ADCK5: variants seen among roughly 807,000 people sequenced by gnomAD.
The protein encoded by ADCK5 is aarF domain containing kinase 5, also known as uncharacterized aarF domain-containing protein kinase 5.
In ADCK5, 43 loss-of-function variants were observed where a neutral mutation model predicts 64.9. That is an observed-to-expected ratio of 0.66 (90% CI 0.52 to 0.85). The LOEUF is 0.85. Ranked by LOEUF, ADCK5 falls within the 40% of genes least tolerant of loss-of-function variation. The pLI is 0.00. For synonymous variants in ADCK5, 434 were observed against 342.8 expected (o/e 1.27, Z -2.94); for missense variants, 760 against 810.5 (o/e 0.94, Z 0.76).
intron 7 of ADCK5, 43 bp downstream of exon 7, chr8:144,391,517 A>G: frequency 1.3e-6 from 2 of 1,590,170 alleles, no homozygotes; most frequent in Non-Finnish European, 8.5e-7. Context: ...GCAAACACGT[A>G]GGCAGAGCTG....
chr8:144,376,455 C>G lies in ADCK5; in HGVS notation c.12+2348C>G, dbSNP rs1347493508. On this transcript the variant is annotated intron_variant, in intron 1 of 14. Transcript: ENST00000308860. This position sits in a 1 kb window ranked among gnomAD's most constrained non-coding sequence, Gnocchi z 5.1. Reference sequence around the variant, plus strand: ...GGACCAGGGTAGGGTGATGGTGGCCCGGGGTCTACTGGAGGGATCTCTGTC... The same window carrying G: ...GGACCAGGGTAGGGTGATGGTGGCCGGGGGTCTACTGGAGGGATCTCTGTC... Among the ~76,000 whole-genome samples the G allele has an allele frequency of 1.3e-5, 2 of 152,090 alleles. No individual in the cohort carries two copies. The highest frequency in any genetic ancestry group is 4.8e-5 in the African/African-American group (2 of 41,408).
In ADCK5 at chr8:144,393,125, G is replaced by A. The variant is rs541353407; in HGVS notation, c.*51G>A. ...GCCCTTTTCACCTTGGGCTGACGGA[G>A]GTGGCGGGGCTAGAGGTGTAGACAC... On this transcript the variant is annotated 3_prime_UTR_variant, in exon 15 of 15. Transcript: ENST00000308860. 1,145 of 1,473,720 alleles carry A rather than the reference G, an allele frequency of 7.8e-4. 22 individuals are homozygous for A. The South Asian group carries it at 0.014, about 19-fold the overall frequency. The allele number at this position is 1,473,720 out of a possible 1,614,324, so 91.3% of individuals were successfully genotyped here. A position where few individuals can be genotyped will look rare whatever the true frequency, so the allele number is the denominator to read the frequency against.
chr8:144,386,749 C>T (rs1209831359), intron 3 of ADCK5, among the ~76,000 whole-genome samples: 1 of 152,232 alleles, frequency 6.6e-6, no homozygotes, highest in Non-Finnish European at 1.5e-5. Flanking sequence ...CAGTTTCCAG[C>T]CCCGGTCCTC....
chr8:144,380,026 A>T (rs1819532666), intron 2 of ADCK5, among the ~76,000 whole-genome samples: 2 of 152,236 alleles, frequency 1.3e-5, no homozygotes, highest in South Asian at 4.1e-4. Context: ...TGAACCTGGC[A>T]GGGGTCTCCT....
rs531875170 is a variant in ADCK5, at chr8:144,391,977, A to C, written c.1051A>C (p.Ile351Leu). The change falls in exon 10 of 15, where the codon ATA becomes CTA. Residue 351 changes from isoleucine to leucine, a missense_variant. Ile to Leu is a conservative substitution (Grantham distance 5). This residue lies in a region of ADCK5 where 427 missense variants were observed against 518.4 expected (regional missense o/e 0.82). Transcript: ENST00000308860. The stretch of plus-strand genomic sequence containing the variant: ...GCTCATCAAGGCCTTTGCTGAGCAG[A>C]TATTTTACACCGGCTTCATCCACTC... Reference protein sequence around the residue: ...EKLIKAFAEQIFYTGFIHSDP... With the variant: ...EKLIKAFAEQLFYTGFIHSDP... The C allele has an allele frequency of 6.2e-7, 1 of 1,612,616 alleles. No homozygotes were observed. The highest frequency in any genetic ancestry group is 1.1e-5 in the South Asian group (1 of 91,084).
In ADCK5 at chr8:144,376,201, T is replaced by C. The variant is rs1011033641; in HGVS notation, c.12+2094T>C. Among the ~76,000 whole-genome samples the C allele has an allele frequency of 3.3e-5, 5 of 152,112 alleles. No individual in the cohort carries two copies. Among genetic ancestry groups the C allele is most frequent in the Non-Finnish European group, 7.4e-5 (5 of 68,016 alleles). The stretch of plus-strand genomic sequence containing the variant: ...CAGTGCCTGTTGCTTGGCAGGGCCA[T>C]GTGGGGTTCAATTGAGTCCTGTGCT... On this transcript the variant is annotated intron_variant, in intron 1 of 14. Coordinates refer to ENST00000308860, the MANE Select transcript of ADCK5 (RefSeq NM_174922.5). This position sits in a 1 kb window ranked among gnomAD's most constrained non-coding sequence, Gnocchi z 5.1.
chr8:144,388,431 G>C (rs1224489561), intron 3 of ADCK5, among the ~76,000 whole-genome samples: 1 of 151,350 alleles, frequency 6.6e-6, no homozygotes, highest in Non-Finnish European at 1.5e-5. Context: ...TTTAAGTTTT[G>C]TTACAAAAGT....
rs1436057069 is a variant in ADCK5 at position 144,384,304 on chromosome 8, AG to A, written c.266+1076del. ...CTGCCTCCGAGCATCTGCCAGGCCT[AG>A]GTCAGTTTCTCAGCAAGTGCCTCGG... is the stretch of plus-strand genomic sequence containing the variant. On this transcript the variant is annotated intron_variant, in intron 3 of 14. Coordinates refer to ENST00000308860, the MANE Select transcript of ADCK5 (RefSeq NM_174922.5). This position sits in a 1 kb window ranked among gnomAD's most constrained non-coding sequence, Gnocchi z 5.7. 1.3e-5 allele frequency among the ~76,000 whole-genome samples: 2 copies of A among 152,060 alleles called. No homozygotes were observed. Among genetic ancestry groups the A allele is most frequent in the East Asian group, 3.9e-4 (2 of 5,180 alleles).
At position 144,392,178 on chromosome 8, in the gene ADCK5, C is replaced by CGGGT; in HGVS notation, c.1175+16_1175+19dup. On this transcript the variant is annotated intron_variant, in intron 11 of 14. Coordinates refer to ENST00000308860, the MANE Select transcript of ADCK5 (RefSeq NM_174922.5). Reference sequence around the variant, plus strand: ...CCAGTTCCTGGAGGAGAAGTGAGCGCGGGTGGGTGGGCGTGGGGCAGGGCA... The same window carrying CGGGT: ...CCAGTTCCTGGAGGAGAAGTGAGCGCGGGTGGGTGGGTGGGCGTGGGGCAGGGCA... 2.9e-6 allele frequency: 1 copy of CGGGT among 339,130 alleles called. No homozygotes were observed. The highest frequency in any genetic ancestry group is 5.8e-6 in the Non-Finnish European group (1 of 173,602). 21.0% of individuals were successfully genotyped at this position (339,130 alleles called of 1,614,324 possible).
At chr8:144,381,516 C>A (rs1209306200) in intron 2 of ADCK5, among the ~76,000 whole-genome samples, 1 of 128,686 alleles carries the variant, frequency 7.8e-6, no homozygotes, top group Non-Finnish European at 1.6e-5. Context: ...CCCTGCTGCA[C>A]TCAGGATTAT....
chr8:144,392,470 C>T lies in ADCK5; in HGVS notation c.1293C>T (p.Leu431=). The change falls in exon 13 of 15, where the codon CTC becomes CTT. Residue 431 remains leucine, a synonymous_variant. Transcript: ENST00000308860. ...ACTACCTCCTGTTCGCCGAGATGCT[C>T]ATGCAGCGCCCCGTGCGCCTGGGGC... The part of the protein sequence containing the change: ...VQDYLLFAEM[L]MQRPVRLGQL... 1 of 1,287,722 alleles carries T rather than the reference C, an allele frequency of 7.8e-7. No homozygotes were observed. Among genetic ancestry groups the T allele is most frequent in the African/African-American group, 1.5e-5 (1 of 65,098 alleles). 79.8% of individuals were successfully genotyped at this position (1,287,722 alleles called of 1,614,324 possible).
chr8:144,382,370 G>GCTACTGTGTTCAGCATAGGTAGAGCTC (rs1819714903), intron 2 of ADCK5, among the ~76,000 whole-genome samples: 1 of 152,242 alleles, frequency 6.6e-6, no homozygotes, highest in Admixed American at 6.5e-5. Context: ...ATATGGAGCT[G>GCTACTGTGTTCAGCATAGGTAGAGCTC]CTACTGTGTT....
Position 144,384,369 on chromosome 8 carries a change from G to A in ADCK5, c.266+1139G>A, listed in dbSNP as rs1554858911. ...CAGAGATTTCACCAGAAGTTTCACA[G>A]AAATTTCCTCCAGCAGTGAGTGGAA... On this transcript the variant is annotated intron_variant, in intron 3 of 14. Transcript: ENST00000308860. This position sits in a 1 kb window ranked among gnomAD's most constrained non-coding sequence, Gnocchi z 5.7. Among the ~76,000 whole-genome samples, 1 of 152,224 alleles carries A rather than the reference G, an allele frequency of 6.6e-6. No homozygotes were observed. The highest frequency in any genetic ancestry group is 1.5e-5 in the Non-Finnish European group (1 of 68,046).
At chr8:144,386,649 C>A (rs112893004) in intron 3 of ADCK5, among the ~76,000 whole-genome samples, 137 of 152,318 alleles carry the variant, frequency 9.0e-4, no homozygotes, top group African/African-American at 3.2e-3. Flanking sequence ...TGAGCCACCA[C>A]GCAGGCCATG....
intron 2 of ADCK5, among the ~76,000 whole-genome samples, chr8:144,382,127 GGT>G: frequency 7.0e-6 from 1 of 143,844 alleles, no homozygotes; most frequent in Admixed American, 6.7e-5. Context: ...TTATGGGCCG[GGT>G]GTAGAAACAG....
Position 144,391,285 on chromosome 8 carries a change from G to A in ADCK5, c.684+11G>A. Reference sequence around the variant, plus strand: ...AGCGTGGCTGTGAAGGTATATGGGGGCTGCCTTGTTCAGCAGTGGGCTGGG... The same window carrying A: ...AGCGTGGCTGTGAAGGTATATGGGGACTGCCTTGTTCAGCAGTGGGCTGGG... On this transcript the variant is annotated intron_variant, in intron 6 of 14. Coordinates refer to ENST00000308860, the MANE Select transcript of ADCK5 (RefSeq NM_174922.5). The A allele has an allele frequency of 6.2e-7, 1 of 1,612,192 alleles. No homozygotes were observed.
intron 3 of ADCK5, among the ~76,000 whole-genome samples, chr8:144,383,457 C>A (rs959255752): frequency 1.3e-5 from 2 of 152,102 alleles, no homozygotes; most frequent in African/African-American, 2.4e-5. Flanking sequence ...GTGGTGTAGA[C>A]AAGGGTCCTC....
chr8:144,392,867 A>G lies in ADCK5; in HGVS notation c.1612A>G (p.Met538Val), dbSNP rs782045220. ...GCGCCACGCCAAGGTCGTCTGGGAG[A>G]TGCTCAAGTTTGAAGTGGCGCTCAG... Reference protein sequence around the residue: ...LLRHAKVVWEMLKFEVALRLE... With the variant: ...LLRHAKVVWEVLKFEVALRLE... The change falls in exon 14 of 15, where the codon ATG (methionine) becomes GTG (valine). Residue 538 changes from methionine to valine, a missense_variant. Transcript: ENST00000308860. 6.2e-7 allele frequency: 1 copy of G among 1,601,306 alleles called. No homozygotes were observed. Among genetic ancestry groups the G allele is most frequent in the Non-Finnish European group, 8.5e-7 (1 of 1,176,954 alleles).
At chr8:144,382,709 C>T (rs559833745) in intron 2 of ADCK5, among the ~76,000 whole-genome samples, 3 of 152,210 alleles carry the variant, frequency 2.0e-5, no homozygotes, top group Non-Finnish European at 4.4e-5. Flanking sequence ...TTGAATCCTG[C>T]GAGGTGGACG....
Sources: allele counts gnomAD v4.1 joint callset (sites outside exome capture counted in the v4.1 genomes callset), GRCh38; gene constraint gnomAD v4.1.1; regional missense constraint gnomAD v4.1.1; non-coding constraint Gnocchi (gnomAD v3.1); transcripts MANE v1.5; gene names NCBI Gene and HGNC (gene_info 2026-07-23, HGNC 2026-07-21).